The following DVL3 variants were observed in gnomAD, a reference collection of about 807,000 sequenced individuals.
DVL3 encodes the protein segment polarity protein dishevelled homolog DVL-3.
DVL3 carries 27 observed loss-of-function variants against 67.4 expected under a neutral mutation model. The ratio of observed to expected loss-of-function variants is 0.40; its 90% CI spans 0.30 to 0.55. The LOEUF is 0.55. Among genes scored for constraint, DVL3 ranks in the 20% least tolerant of loss-of-function variants. DVL3 has a pLI of 0.46. For missense variants in DVL3, 819 were observed against 1,021.5 expected, an observed-to-expected ratio of 0.80 and a Z score of 2.70; for synonymous variants, 369 against 396.8, an observed-to-expected ratio of 0.93 and a Z score of 0.83.
chr3:184,171,189 C>T lies in DVL3; in HGVS notation c.*434C>T. On this transcript the variant is annotated 3_prime_UTR_variant, in exon 15 of 15. Coordinates refer to ENST00000313143, the MANE Select transcript of DVL3 (RefSeq NM_004423.4). ...ACATCATCCCTCTATTAACCCCACC[C>T]CATCAGGCACGTGTGCAAACCTCTT... is the stretch of plus-strand genomic sequence containing the variant. 1 of 1,122,204 alleles carries T rather than the reference C, an allele frequency of 8.9e-7. No homozygotes were observed. Among genetic ancestry groups the T allele is most frequent in the African/African-American group, 1.7e-5 (1 of 59,892 alleles). The allele number at this position is 1,122,204 out of a possible 1,614,324, so 69.5% of individuals were successfully genotyped here. A position where few individuals can be genotyped will look rare whatever the true frequency, so the allele number is the denominator to read the frequency against.
Position 184,170,788 on chromosome 3 carries a change from C to A in DVL3, c.*33C>A. 6.2e-7 allele frequency: 1 copy of A among 1,609,844 alleles called. No homozygotes were observed. The highest frequency in any genetic ancestry group is 8.5e-7 in the Non-Finnish European group (1 of 1,178,524). On this transcript the variant is annotated 3_prime_UTR_variant, in exon 15 of 15. Transcript: ENST00000313143. This position sits in a 1 kb window ranked among gnomAD's most constrained non-coding sequence, Gnocchi z 6.5. ...CCCTCCCCCAGCTCCATTCCGCTCCCACCCCAGCCGGCTGCGTTCCTCTCT... is the reference window on the plus strand; with the variant it reads ...CCCTCCCCCAGCTCCATTCCGCTCCAACCCCAGCCGGCTGCGTTCCTCTCT...
rs1047864851 is a variant in DVL3, at chr3:184,167,086, G to C, written c.1198+111G>C. The C allele has an allele frequency of 5.1e-6, 7 of 1,371,176 alleles. No homozygotes were observed. The African/African-American group carries it at 1.0e-4, about 20-fold the overall frequency. The allele number at this position is 1,371,176 out of a possible 1,614,324, so 84.9% of individuals were successfully genotyped here. On this transcript the variant is annotated intron_variant, in intron 11 of 14. Coordinates refer to ENST00000313143, the MANE Select transcript of DVL3 (RefSeq NM_004423.4). This position sits in a 1 kb window ranked among gnomAD's most constrained non-coding sequence, Gnocchi z 4.6. ...AGCATCAGAGAGGGCTGGAGATGGG[G>C]CTCGGCTCATTCCAGCAACCCCACA...
In DVL3 at chr3:184,155,928, C is replaced by T. The variant is rs1714167472; in HGVS notation, c.161+132C>T. The T allele has an allele frequency of 1.8e-6, 2 of 1,132,876 alleles. No homozygotes were observed. Among genetic ancestry groups the T allele is most frequent in the Non-Finnish European group, 1.2e-6 (1 of 812,782 alleles). 70.2% of individuals were successfully genotyped at this position (1,132,876 alleles called of 1,614,324 possible). ...TCTGACTTCTAGGGGCGACTCGGCC[C>T]ATTTGGGCCCCTTTGGTTCCAGCCC... On this transcript the variant is annotated intron_variant, in intron 1 of 14. Coordinates refer to ENST00000313143, the MANE Select transcript of DVL3 (RefSeq NM_004423.4). The surrounding 1 kb of genome is among the most constrained non-coding windows in gnomAD (Gnocchi z 5.4).
Position 184,164,237 on chromosome 3 carries a change from CAT to C in DVL3, c.232-28_232-27del, listed in dbSNP as rs774137893. On this transcript the variant is annotated intron_variant, in intron 2 of 14. Coordinates refer to ENST00000313143, the MANE Select transcript of DVL3 (RefSeq NM_004423.4). The surrounding 1 kb of genome is among the most constrained non-coding windows in gnomAD (Gnocchi z 5.3). ...CCCCTTCTCCTTGATGCTCCTGTAA[CAT>C]ACTACTCACTCAGTTTCTCCCTTTC... The C allele has an allele frequency of 6.2e-7, 1 of 1,610,480 alleles. No homozygotes were observed. Among genetic ancestry groups the C allele is most frequent in the Admixed American group, 1.7e-5 (1 of 59,394 alleles).
chr3:184,162,782 T>G (rs536043453), intron 1 of DVL3, among the ~76,000 whole-genome samples: 7 of 152,254 alleles, frequency 4.6e-5, no homozygotes, highest in African/African-American at 1.7e-4. Flanking sequence ...TTTCACATTC[T>G]TTCCTATATA....
At chr3:184,156,975 A>T (rs573729713) in intron 1 of DVL3, 8 of 160,948 alleles carry the variant, frequency 5.0e-5, no homozygotes, top group African/African-American at 1.7e-4. Flanking sequence ...CCCACCTAGC[A>T]CTAGGAAGCA....
Position 184,155,645 on chromosome 3 carries a change from A to C in DVL3, c.10A>C (p.Thr4Pro). The C allele has an allele frequency of 6.3e-7, 1 of 1,593,022 alleles. No homozygotes were observed. The highest frequency in any genetic ancestry group is 8.5e-7 in the Non-Finnish European group (1 of 1,171,936). The change falls in exon 1 of 15, where the codon ACC (threonine) becomes CCC (proline). Residue 4 changes from threonine (T) to proline (P), a missense_variant. This residue lies in a region of DVL3 where 385 missense variants were observed against 486.8 expected (regional missense o/e 0.79). Transcript: ENST00000313143. This position sits in a 1 kb window ranked among gnomAD's most constrained non-coding sequence, Gnocchi z 5.4. ...GCCCGAGGCCAGAGCCATGGGCGAG[A>C]CCAAGATCATCTACCACTTGGATGG... is the stretch of plus-strand genomic sequence containing the variant. The part of the protein sequence containing the change: MGE[T>P]KIIYHLDGQE...
chr3:184,167,805 G>T lies in DVL3; in HGVS notation c.1331-93G>T. 1 of 1,599,576 alleles carries T rather than the reference G, an allele frequency of 6.3e-7. No individual in the cohort carries two copies. The highest frequency in any genetic ancestry group is 1.1e-5 in the South Asian group (1 of 88,720). ...AGGACTTGCCTTGGACCCTTCCTTT[G>T]ATCTGGAGCCAGCCCCAGCCTCATA... On this transcript the variant is annotated intron_variant, in intron 12 of 14. Coordinates refer to ENST00000313143, the MANE Select transcript of DVL3 (RefSeq NM_004423.4). This position sits in a 1 kb window ranked among gnomAD's most constrained non-coding sequence, Gnocchi z 4.6.
intron 13 of DVL3, among the ~76,000 whole-genome samples, chr3:184,169,088 A>G (rs904131926): frequency 6.6e-6 from 1 of 152,156 alleles, no homozygotes; most frequent in Non-Finnish European, 1.5e-5. Flanking sequence ...TATATAGGGA[A>G]TCTCTGGAAG....
rs922816527 is a variant in DVL3, at chr3:184,171,885, T to C, written c.*1130T>C. The C allele has an allele frequency of 1.3e-4, 20 of 153,126 alleles. No individual in the cohort carries two copies. The highest frequency in any genetic ancestry group is 1.5e-4 in the Non-Finnish European group (10 of 68,258). The allele number at this position is 153,126 out of a possible 1,614,324, so 9.5% of individuals were successfully genotyped here. On this transcript the variant is annotated 3_prime_UTR_variant, in exon 15 of 15. Coordinates refer to ENST00000313143, the MANE Select transcript of DVL3 (RefSeq NM_004423.4). ...GTATGCATACATGCACAGAGATGCA[T>C]ACACAGGTGCCTATGCAAGTTCATT...
intron 13 of DVL3, among the ~76,000 whole-genome samples, chr3:184,169,224 G>C (rs1714711558): frequency 6.6e-6 from 1 of 152,242 alleles, no homozygotes; most frequent in Admixed American, 6.5e-5. Flanking sequence ...AAGGTAAGGA[G>C]AAAGTAAGCT....
rs1216469518 is a variant in DVL3, at chr3:184,163,523, T to C, written c.162-134T>C. 4.7e-6 allele frequency: 4 copies of C among 859,688 alleles called. No individual in the cohort carries two copies. In the Admixed American group the frequency reaches 7.0e-5, roughly 15 times the overall value. The allele number at this position is 859,688 out of a possible 1,614,324, so 53.3% of individuals were successfully genotyped here. On this transcript the variant is annotated intron_variant, in intron 1 of 14. Transcript: ENST00000313143. This position sits in a 1 kb window ranked among gnomAD's most constrained non-coding sequence, Gnocchi z 4.5. ...GCTGTCTCTGGGTCTCCCCAACCTC[T>C]GCTTTCATTTGAACAGTCTTGTGCT...
At chr3:184,156,937 C>T (rs911198887) in intron 1 of DVL3, 3 of 162,630 alleles carry the variant, frequency 1.8e-5, no homozygotes, top group Non-Finnish European at 2.7e-5. Context: ...CAGTGTTCAT[C>T]TGTCTGGCTT....
In DVL3 at chr3:184,164,575, C is replaced by T; in HGVS notation, c.437C>T (p.Pro146Leu). 7 of 1,563,878 alleles carry T rather than the reference C, an allele frequency of 4.5e-6. No individual in the cohort carries two copies. Among genetic ancestry groups the T allele is most frequent in the Non-Finnish European group, 6.1e-6 (7 of 1,154,556 alleles). Residue 146 changes from proline (P) to leucine (L), a missense_variant, in exon 4 of 15, where the codon CCA (proline) becomes CTA (leucine). By Grantham distance (98) the Pro-to-Leu change is moderately conservative. Transcript: ENST00000313143. This position sits in a 1 kb window ranked among gnomAD's most constrained non-coding sequence, Gnocchi z 5.3. Reference protein sequence around the residue: ...DSLVSAQRERPRRRDGPEHAT... With the variant: ...DSLVSAQRERLRRRDGPEHAT... ...TTGGTGTCTGCCCAGCGAGAGCGGC[C>T]ACGCCGGAGGGATGGCCCAGAGCAT...
Position 184,165,172 on chromosome 3 carries a change from G to A in DVL3, c.659G>A (p.Arg220Gln), listed in dbSNP as rs369391885. 6.2e-6 allele frequency: 10 copies of A among 1,604,368 alleles called. No individual in the cohort carries two copies. The highest frequency in any genetic ancestry group is 8.5e-6 in the Non-Finnish European group (10 of 1,175,460). The change falls in exon 6 of 15, where the codon CGG (arginine) becomes CAG (glutamine). Residue 220 changes from arginine (R) to glutamine (Q), a missense_variant. Transcript: ENST00000313143. The surrounding 1 kb of genome is among the most constrained non-coding windows in gnomAD (Gnocchi z 4.1). ...ASRLMRRHKR[R>Q]RRKQKVSRIE... is the part of the protein sequence containing the mutation. ...CGCCTGATGAGAAGACACAAGCGGC[G>A]GCGGCGGAAGCAGAAGGTTTCTCGG...
In DVL3 at chr3:184,166,597, T is replaced by C. The variant is rs1413555715; in HGVS notation, c.981-9T>C. 1 of 1,614,168 alleles carries C rather than the reference T, an allele frequency of 6.2e-7. No homozygotes were observed. Among genetic ancestry groups the C allele is most frequent in the Admixed American group, 1.7e-5 (1 of 60,008 alleles). ...CATCCTGCCTTCACTAGGACACCCT[T>C]GTTTTCAGGCCCATCACCCTGACTG... On this transcript the variant is annotated splice_polypyrimidine_tract_variant and intron_variant, in intron 9 of 14. Transcript: ENST00000313143. This position sits in a 1 kb window ranked among gnomAD's most constrained non-coding sequence, Gnocchi z 6.7.
Position 184,166,542 on chromosome 3 carries a change from C to T in DVL3, c.980+20C>T. 1 of 1,614,140 alleles carries T rather than the reference C, an allele frequency of 6.2e-7. No homozygotes were observed. The highest frequency in any genetic ancestry group is 8.5e-7 in the Non-Finnish European group (1 of 1,180,018). On this transcript the variant is annotated intron_variant, in intron 9 of 14. Transcript: ENST00000313143. The surrounding 1 kb of genome is among the most constrained non-coding windows in gnomAD (Gnocchi z 6.7). ...ACCGGGGTATGGATGGAATGGGGCA[C>T]TGGGCAAGGGGCTTGGTCTGGCCTA...
At position 184,166,270 on chromosome 3, in the gene DVL3, C is replaced by T; in HGVS notation, c.903+5C>T. ...CCAGGAGATATGTTGTTACAGGTAT[C>T]AGTGCCCATCCTAGGCGGTGGTGTG... is the stretch of plus-strand genomic sequence containing the variant. On this transcript the variant is annotated splice_donor_5th_base_variant and intron_variant, in intron 8 of 14. Transcript: ENST00000313143. This position sits in a 1 kb window ranked among gnomAD's most constrained non-coding sequence, Gnocchi z 6.7. The T allele has an allele frequency of 6.2e-7, 1 of 1,612,184 alleles. No homozygotes were observed. The highest frequency in any genetic ancestry group is 1.7e-4 in the Middle Eastern group (1 of 6,038).
At position 184,155,912 on chromosome 3, in the gene DVL3, T is replaced by C. The variant is rs1714166917; in HGVS notation, c.161+116T>C. The C allele has an allele frequency of 2.3e-6, 3 of 1,298,710 alleles. No individual in the cohort carries two copies. The highest frequency in any genetic ancestry group is 2.3e-5 in the Admixed American group (1 of 42,832). The allele number at this position is 1,298,710 out of a possible 1,614,324, so 80.4% of individuals were successfully genotyped here. A position where few individuals can be genotyped will look rare whatever the true frequency, so the allele number is the denominator to read the frequency against. Reference sequence around the variant, plus strand: ...CGGCTCCTAGCCCCGCTCTGACTTCTAGGGGCGACTCGGCCCATTTGGGCC... The same window carrying C: ...CGGCTCCTAGCCCCGCTCTGACTTCCAGGGGCGACTCGGCCCATTTGGGCC... On this transcript the variant is annotated intron_variant, in intron 1 of 14. Transcript: ENST00000313143. The surrounding 1 kb of genome is among the most constrained non-coding windows in gnomAD (Gnocchi z 5.4).
Sources: allele counts gnomAD v4.1 joint callset (sites outside exome capture counted in the v4.1 genomes callset), GRCh38; gene constraint gnomAD v4.1.1; regional missense constraint gnomAD v4.1.1; non-coding constraint Gnocchi (gnomAD v3.1); transcripts MANE v1.5; gene names NCBI Gene and HGNC (gene_info 2026-07-23, HGNC 2026-07-21).